Variants in ABCA6 observed in about 807,000 individuals in gnomAD.
ABCA6 encodes the protein ATP binding cassette subfamily A member 6, also known as ATP-binding cassette sub-family A member 6.
A neutral mutation model predicts 191.2 loss-of-function variants in ABCA6; 164 were observed. The ratio of observed to expected loss-of-function variants is 0.86; its 90% CI spans 0.76 to 0.98. ABCA6 has a LOEUF of 0.98. ABCA6 is among the 50% of genes least tolerant of loss of function. The pLI, the probability that ABCA6 is intolerant of heterozygous loss-of-function variation, is 0.00. For synonymous variants in ABCA6, 636 were observed against 647.7 expected (o/e 0.98, Z 0.27); for missense variants, 1,958 against 1,894.1 (o/e 1.03, Z -0.63).
At position 69,087,371 on chromosome 17, in the gene ABCA6, G is replaced by C; in HGVS notation, c.3801C>G (p.Thr1267=). The change falls in exon 29 of 39, where the codon ACC becomes ACG. Residue 1267 remains threonine (T), a synonymous_variant. Coordinates refer to ENST00000284425, the MANE Select transcript of ABCA6 (RefSeq NM_080284.3). ...TERIRTATAL[T]TSILDEKPVI... ...TTTTTACCTCATCTAAGATTGAAGT[G>C]GTCAGAGCAGTGGCTGTTCTTATTC... 6.2e-7 allele frequency: 1 copy of C among 1,613,806 alleles called. No individual in the cohort carries two copies. The highest frequency in any genetic ancestry group is 8.5e-7 in the Non-Finnish European group (1 of 1,179,832).
At chr17:69,082,088 G>A (rs961983475) in intron 36 of ABCA6, among the ~76,000 whole-genome samples, 1 of 152,006 alleles carries the variant, frequency 6.6e-6, no homozygotes, top group African/African-American at 2.4e-5. Context: ...TATCATTTTT[G>A]ATCTTCCCAC....
In ABCA6 at chr17:69,113,723, T is replaced by A; in HGVS notation, c.1797A>T (p.Leu599Phe). The change falls in exon 14 of 39, where the codon TTA (leucine) becomes TTT (phenylalanine). Residue 599 changes from leucine to phenylalanine, a missense_variant. Transcript: ENST00000284425. Reference sequence around the variant, plus strand: ...GAATGTTTTGCATGTCCAATTCCAATAATATTCGTTGTACCTATATGAGAA... The same window carrying A: ...GAATGTTTTGCATGTCCAATTCCAAAAATATTCGTTGTACCTATATGAGAA... ...KEVEQEVQRI[L>F]LELDMQNIQD... 6.2e-7 allele frequency: 1 copy of A among 1,612,100 alleles called. No homozygotes were observed. Among genetic ancestry groups the A allele is most frequent in the Non-Finnish European group, 8.5e-7 (1 of 1,178,814 alleles).
At chr17:69,089,275 T>C (rs568410461) in intron 27 of ABCA6, among the ~76,000 whole-genome samples, 190 bp downstream of exon 27, 2 of 152,358 alleles carry the variant, frequency 1.3e-5, no homozygotes, top group Admixed American at 1.3e-4. Flanking sequence ...TATTAACTTT[T>C]GGACACATAT....
chr17:69,112,299 A>C, intron 15 of ABCA6, 26 bp from the exon 16 acceptor site: 4 of 1,557,812 alleles, frequency 2.6e-6, no homozygotes, highest in Non-Finnish European at 3.5e-6. Context: ...CAAGGGAGAA[A>C]AGATATTGGG....
Position 69,091,175 on chromosome 17 carries a change from T to C in ABCA6, c.3496A>G (p.Thr1166Ala), listed in dbSNP as rs766064571. 5.6e-6 allele frequency: 9 copies of C among 1,611,654 alleles called. No individual in the cohort carries two copies. The highest frequency in any genetic ancestry group is 7.6e-6 in the Non-Finnish European group (9 of 1,179,316). Reference sequence around the variant, plus strand: ...AAAAAAGTTTTAAATCCAAGCAAGGTATATGAAGGAACCAATACCATGGTG... The same window carrying C: ...AAAAAAGTTTTAAATCCAAGCAAGGCATATGAAGGAACCAATACCATGGTG... ...ITTMVLVPSY[T>A]LLGFKTFLEV... is the part of the protein sequence containing the mutation. Residue 1166 changes from threonine to alanine, a missense_variant, in exon 26 of 39, where the codon ACC becomes GCC. Physicochemically the swap from Thr to Ala is moderately conservative, Grantham distance 58. Coordinates refer to ENST00000284425, the MANE Select transcript of ABCA6 (RefSeq NM_080284.3).
chr17:69,106,261 C>G, intron 18 of ABCA6, 50 bp from the exon 19 acceptor site: 1 of 1,491,706 alleles, frequency 6.7e-7, no homozygotes. Context: ...TTAATGCCAT[C>G]CTGGAGGCAT....
In ABCA6 at chr17:69,114,912, A is replaced by C; in HGVS notation, c.1632T>G (p.Asn544Lys). The C allele has an allele frequency of 6.2e-7, 1 of 1,611,066 alleles. No homozygotes were observed. Among genetic ancestry groups the C allele is most frequent in the East Asian group, 2.2e-5 (1 of 44,756 alleles). ...CCTCCAAGTCTTGCATTTCAGAGAG[A>C]TTTTTATTATAGATGGTAACTGATC... Reference protein sequence around the residue: ...TEGSVTIYNKNLSEMQDLEEI... With the variant: ...TEGSVTIYNKKLSEMQDLEEI... Residue 544 changes from asparagine to lysine, a missense_variant, in exon 13 of 39, where the codon AAT (asparagine) becomes AAG (lysine). Asn to Lys is a moderately conservative substitution (Grantham distance 94). Coordinates refer to ENST00000284425, the MANE Select transcript of ABCA6 (RefSeq NM_080284.3).
Position 69,133,688 on chromosome 17 carries a change from C to A in ABCA6, c.744G>T (p.Lys248Asn). 1.2e-6 allele frequency: 2 copies of A among 1,606,994 alleles called. No homozygotes were observed. ...ISLNVTKERK[K>N]SKNLMKMMGL... ...CCATCATTTTCATCAAATTCTTAGACTTTTTTCTCTCTTTTGTTACATTGA... is the reference window on the plus strand; with the variant it reads ...CCATCATTTTCATCAAATTCTTAGAATTTTTTCTCTCTTTTGTTACATTGA... Residue 248 changes from lysine (K) to asparagine (N), a missense_variant, in exon 6 of 39, where the codon AAG becomes AAT. Coordinates refer to ENST00000284425, the MANE Select transcript of ABCA6 (RefSeq NM_080284.3).
intron 2 of ABCA6, among the ~76,000 whole-genome samples, chr17:69,138,897 A>G (rs1430748631): frequency 6.6e-6 from 1 of 152,090 alleles, no homozygotes; most frequent in African/African-American, 2.4e-5. Context: ...AGCCATGTGT[A>G]GAAAGCTGAA....
Position 69,123,287 on chromosome 17 carries a change from T to A in ABCA6, c.1388A>T (p.Asp463Val). The A allele has an allele frequency of 6.5e-7, 1 of 1,534,486 alleles. No individual in the cohort carries two copies. The highest frequency in any genetic ancestry group is 8.8e-7 in the Non-Finnish European group (1 of 1,132,682). The change falls in exon 10 of 39, where the codon GAT (aspartate) becomes GTT (valine). Residue 463 changes from aspartate to valine, a missense_variant. Asp to Val is a radical substitution (Grantham distance 152). Coordinates refer to ENST00000284425, the MANE Select transcript of ABCA6 (RefSeq NM_080284.3). ...TTCAGGAGCTACTGGTTCAAAATAATCATCAGAGGGATGCTCAGCATCGAT... is the reference window on the plus strand; with the variant it reads ...TTCAGGAGCTACTGGTTCAAAATAAACATCAGAGGGATGCTCAGCATCGAT... ...KEIDAEHPSD[D>V]YFEPVAPEFQ...
intron 7 of ABCA6, 133 bp downstream of exon 7, chr17:69,129,477 C>A (rs1160397749): frequency 8.5e-6 from 6 of 709,508 alleles, no homozygotes; most frequent in Non-Finnish European, 1.1e-5. Context: ...TTCAAGTACA[C>A]ACAAGGACAC....
chr17:69,088,067 C>T, intron 28 of ABCA6, 100 bp downstream of exon 28: 2 of 1,026,846 alleles, frequency 1.9e-6, no homozygotes, highest in Non-Finnish European at 1.4e-6. Flanking sequence ...ACATGTGCTT[C>T]CACTGTAAAT....
intron 37 of ABCA6, among the ~76,000 whole-genome samples, chr17:69,079,573 A>G (rs752151109): frequency 2.0e-5 from 3 of 152,202 alleles, no homozygotes; most frequent in Non-Finnish European, 4.4e-5. Flanking sequence ...ATTCTTACAC[A>G]TGAGGAAGAT....
intron 5 of ABCA6, 49 bp downstream of exon 5, chr17:69,134,590 C>T: frequency 7.3e-7 from 1 of 1,373,384 alleles, no homozygotes; most frequent in Non-Finnish European, 1.0e-6. Context: ...CTTGAGGTCT[C>T]TGGAAGTAGC....
intron 17 of ABCA6, 182 bp from the exon 18 acceptor site, chr17:69,107,994 A>G (rs2073341913): frequency 1.9e-6 from 1 of 521,224 alleles, no homozygotes; most frequent in African/African-American, 2.0e-5. Context: ...TGACTAAGGA[A>G]GACCTCTTCC....
intron 19 of ABCA6, 70 bp from the exon 20 acceptor site, chr17:69,105,698 G>A: frequency 1.7e-6 from 2 of 1,189,172 alleles, no homozygotes; most frequent in Non-Finnish European, 2.4e-6. Flanking sequence ...CATTCCACAA[G>A]TATTTGTTGA....
At chr17:69,091,351 G>A in intron 25 of ABCA6, 89 bp from the exon 26 acceptor site, 3 of 1,402,588 alleles carry the variant, frequency 2.1e-6, no homozygotes, top group South Asian at 1.2e-5. Context: ...TTCTCATGAT[G>A]TATATCATAA....
Position 69,115,486 on chromosome 17 carries a change from C to G in ABCA6, c.1496G>C (p.Gly499Ala). The G allele has an allele frequency of 1.9e-6, 3 of 1,603,760 alleles. No homozygotes were observed. The highest frequency in any genetic ancestry group is 2.6e-6 in the Non-Finnish European group (3 of 1,174,918). The change falls in exon 12 of 39, where the codon GGC becomes GCC. Residue 499 changes from glycine to alanine, a missense_variant and splice_region_variant. Coordinates refer to ENST00000284425, the MANE Select transcript of ABCA6 (RefSeq NM_080284.3). ...GKSGKVEALK[G>A]LLFDIYEGQI... is the part of the protein sequence containing the mutation. ...ACCTTCATATATGTCAAAGAGCAAGCCTATTTTTAGAACAAATTGTTAACA... is the reference window on the plus strand; with the variant it reads ...ACCTTCATATATGTCAAAGAGCAAGGCTATTTTTAGAACAAATTGTTAACA...
At chr17:69,083,619 T>G (rs1041301061) in intron 34 of ABCA6, among the ~76,000 whole-genome samples, 3 of 152,086 alleles carry the variant, frequency 2.0e-5, no homozygotes, top group African/African-American at 7.2e-5. Context: ...AGAAAGGAAG[T>G]GGGTGGAGAT....
Sources: gnomAD v4.1 joint callset for allele counts (sites outside exome capture counted in the v4.1 genomes callset) on GRCh38, gnomAD v4.1.1 for gene constraint, MANE v1.5 for transcripts, NCBI Gene and HGNC (gene_info 2026-07-23, HGNC 2026-07-21) for gene names.